The following ASPG variants were observed in gnomAD, a reference collection of about 807,000 sequenced individuals.
ASPG encodes 60 kDa lysophospholipase.
In ASPG, 53 loss-of-function variants were observed where a neutral mutation model predicts 63.2. That is an observed-to-expected ratio of 0.84 (90% CI 0.67 to 1.05). ASPG has a LOEUF of 1.05. ASPG is among the 50% of genes least tolerant of loss of function. The pLI is 0.00. For missense variants in ASPG, 741 were observed against 794.4 expected (o/e 0.93, Z 0.81); for synonymous variants, 370 against 355.0 (o/e 1.04, Z -0.48).
Position 104,107,252 on chromosome 14 carries a change from C to T in ASPG, c.1340C>T (p.Thr447Ile), listed in dbSNP as rs1315936966. The T allele has an allele frequency of 1.2e-6, 2 of 1,608,662 alleles. No homozygotes were observed. Among genetic ancestry groups the T allele is most frequent in the Non-Finnish European group, 1.7e-6 (2 of 1,177,394 alleles). Residue 447 changes from threonine to isoleucine, a missense_variant, in exon 12 of 16, where the codon ACA becomes ATA. Coordinates refer to ENST00000551177, the MANE Select transcript of ASPG (RefSeq NM_001080464.3). ...CACGCGGCCGCCCGGGGAGGCCACA[C>T]AGAGGCAGTCACCATGCTGCTGCAG... ...PLHAAARGGHTEAVTMLLQRG... is the reference protein window; with the variant it reads ...PLHAAARGGHIEAVTMLLQRG...
chr14:104,102,070 C>T (rs1254158737), intron 6 of ASPG, among the ~76,000 whole-genome samples: 5 of 152,156 alleles, frequency 3.3e-5, no homozygotes, highest in Non-Finnish European at 1.5e-5. Context: ...TGTGGGCCCT[C>T]TTTGTCTCTG....
At position 104,092,747 on chromosome 14, in the gene ASPG, T is replaced by G; in HGVS notation, c.191+6T>G. On this transcript the variant is annotated splice_donor_region_variant and intron_variant, in intron 2 of 15. Coordinates refer to ENST00000551177, the MANE Select transcript of ASPG (RefSeq NM_001080464.3). The stretch of plus-strand genomic sequence containing the variant: ...GAGGACACCCTGGTGCTACCGTGAG[T>G]GTGGGCTCCTCCCAGTCCCGGACAG... 6.5e-7 allele frequency: 1 copy of G among 1,534,200 alleles called. No homozygotes were observed. The highest frequency in any genetic ancestry group is 2.0e-5 in the Admixed American group (1 of 50,998).
intron 9 of ASPG, 120 bp downstream of exon 9, chr14:104,104,855 T>C: frequency 1.2e-6 from 1 of 850,556 alleles, no homozygotes. Context: ...GTGTGTCCTG[T>C]TTGGGAAGGG....
chr14:104,102,039 G>A (rs141787099), intron 6 of ASPG, among the ~76,000 whole-genome samples: 4 of 152,236 alleles, frequency 2.6e-5, no homozygotes, highest in Non-Finnish European at 5.9e-5. Context: ...CTCAGGAGGC[G>A]GGAGGTCAGT....
At chr14:104,106,500 C>T (rs1398116078) in intron 10 of ASPG, among the ~76,000 whole-genome samples, 2 of 151,882 alleles carry the variant, frequency 1.3e-5, no homozygotes, top group Non-Finnish European at 2.9e-5. Context: ...ACGGGGGAGT[C>T]TGGGAGGGTG....
intron 1 of ASPG, among the ~76,000 whole-genome samples, chr14:104,089,191 CTGG>C (rs1201303603): frequency 6.6e-6 from 1 of 151,952 alleles, no homozygotes; most frequent in Non-Finnish European, 1.5e-5. Flanking sequence ...CGGCTGAAAG[CTGG>C]TGTTTATTTA....
chr14:104,096,585 T>C (rs1167523061), intron 4 of ASPG, among the ~76,000 whole-genome samples: 1 of 152,164 alleles, frequency 6.6e-6, no homozygotes. Flanking sequence ...TTCCCAGACC[T>C]TCCCGAGCCC....
In ASPG at chr14:104,110,748, T is replaced by G. The variant is rs972232240; in HGVS notation, c.1521-754T>G. The G allele has an allele frequency of 9.1e-6, 9 of 985,200 alleles. No homozygotes were observed. The South Asian group carries it at 2.8e-4, about 31-fold the overall frequency. 61.0% of individuals were successfully genotyped at this position (985,200 alleles called of 1,614,324 possible). The stretch of plus-strand genomic sequence containing the variant: ...GGCAGCCCCTTCCTCACCAGGCCAC[T>G]TCCCCCAGCCCCTGCACACCATGGG... On this transcript the variant is annotated intron_variant, in intron 13 of 15. Transcript: ENST00000551177. This position sits in a 1 kb window ranked among gnomAD's most constrained non-coding sequence, Gnocchi z 4.7.
chr14:104,102,606 T>G lies in ASPG; in HGVS notation c.641-957T>G, dbSNP rs527937741. Among the ~76,000 whole-genome samples, 11 of 152,296 alleles carry G rather than the reference T, an allele frequency of 7.2e-5. No homozygotes were observed. The East Asian group carries it at 2.1e-3, about 29-fold the overall frequency. On this transcript the variant is annotated intron_variant, in intron 6 of 15. Transcript: ENST00000551177. ...GGTGGGAGTCCCCAGTGTCCAGCCC[T>G]GCTCTGCTGGAGGCTGCCATGAGTG...
chr14:104,099,375 C>G (rs1387830394), intron 6 of ASPG, among the ~76,000 whole-genome samples: 1 of 152,082 alleles, frequency 6.6e-6, no homozygotes, highest in African/African-American at 2.4e-5. Context: ...TCCTCTGGTT[C>G]CGGCGGGCAG....
Position 104,106,441 on chromosome 14 carries a change from C to T in ASPG, c.1174-358C>T, listed in dbSNP as rs867358600. On this transcript the variant is annotated intron_variant, in intron 10 of 15. Coordinates refer to ENST00000551177, the MANE Select transcript of ASPG (RefSeq NM_001080464.3). ...GGGAGGGGTCTGGCTCTGCTTCCCA[C>T]GCTCTCCTTATGTGGGTGACCATTC... 2.2e-4 allele frequency among the ~76,000 whole-genome samples: 33 copies of T among 152,146 alleles called. 1 individual carries two copies. Among genetic ancestry groups the T allele is most frequent in the Admixed American group, 1.4e-3 (22 of 15,286 alleles).
chr14:104,108,934 C>G (rs1332770890), intron 12 of ASPG: 1 of 985,260 alleles, frequency 1.0e-6, no homozygotes, highest in Non-Finnish European at 1.2e-6. Context: ...AACTAATGCC[C>G]TCCCCTGGGT....
intron 3 of ASPG, among the ~76,000 whole-genome samples, chr14:104,094,127 C>T (rs1407642792): frequency 6.6e-6 from 1 of 151,994 alleles, no homozygotes; most frequent in Non-Finnish European, 1.5e-5. Context: ...GGGCAAGGCT[C>T]TGAGTTCCTC....
intron 2 of ASPG, 125 bp from the exon 3 acceptor site, chr14:104,093,366 C>G (rs762106061): frequency 6.0e-6 from 5 of 830,952 alleles, no homozygotes; most frequent in East Asian, 2.5e-5. Context: ...TTGCTATGTG[C>G]GGAGCCCTTG....
intron 3 of ASPG, among the ~76,000 whole-genome samples, chr14:104,095,259 C>A (rs2036544800): frequency 6.6e-6 from 1 of 152,210 alleles, no homozygotes; most frequent in South Asian, 2.1e-4. Context: ...GCAGAGGCCC[C>A]TTGGAGGGAC....
At chr14:104,106,086 C>G (rs1297397606) in intron 10 of ASPG, among the ~76,000 whole-genome samples, 5 of 152,268 alleles carry the variant, frequency 3.3e-5, no homozygotes, top group Non-Finnish European at 7.3e-5. Flanking sequence ...TCTTGTGAGC[C>G]ATGTGCTGGA....
In ASPG at chr14:104,091,393, C is replaced by T. The variant is rs1004096778; in HGVS notation, c.83-1240C>T. Among the ~76,000 whole-genome samples, 6 of 152,120 alleles carry T rather than the reference C, an allele frequency of 3.9e-5. No homozygotes were observed. The highest frequency in any genetic ancestry group is 9.7e-5 in the African/African-American group (4 of 41,414). The stretch of plus-strand genomic sequence containing the variant: ...CGGGCAGACAAACATGTGCGGGCTC[C>T]GCCTCCCCCGTCTGCTGGCTGAGCC... On this transcript the variant is annotated intron_variant, in intron 1 of 15. Coordinates refer to ENST00000551177, the MANE Select transcript of ASPG (RefSeq NM_001080464.3). The surrounding 1 kb of genome is among the most constrained non-coding windows in gnomAD (Gnocchi z 6.4).
At position 104,091,574 on chromosome 14, in the gene ASPG, C is replaced by T. The variant is rs73356396; in HGVS notation, c.83-1059C>T. On this transcript the variant is annotated intron_variant, in intron 1 of 15. Transcript: ENST00000551177. This position sits in a 1 kb window ranked among gnomAD's most constrained non-coding sequence, Gnocchi z 6.4. ...TTCACGGGGCCAAGGGCTGGTGTCC[C>T]GGGGCTGGTGACTTAACAGGCAGAG... 0.023 allele frequency among the ~76,000 whole-genome samples: 3,456 copies of T among 152,206 alleles called. 130 individuals carry two copies. The highest frequency in any genetic ancestry group is 0.078 in the African/African-American group (3,220 of 41,510).
chr14:104,112,482 A>G (rs759957561), intron 15 of ASPG, 42 bp from the exon 16 acceptor site: 14 of 1,134,566 alleles, frequency 1.2e-5, no homozygotes, highest in Non-Finnish European at 1.7e-5. Context: ...CTGCCTTCGC[A>G]CTCTACCTGG....
Sources: allele counts gnomAD v4.1 joint callset (sites outside exome capture counted in the v4.1 genomes callset), GRCh38; gene constraint gnomAD v4.1.1; non-coding constraint Gnocchi (gnomAD v3.1); transcripts MANE v1.5; gene names NCBI Gene and HGNC (gene_info 2026-07-23, HGNC 2026-07-21).